The following CNST variants were observed in gnomAD, a reference collection of about 807,000 sequenced individuals.
CNST encodes the protein consortin, connexin sorting protein, also known as consortin.
A neutral mutation model predicts 72.4 loss-of-function variants in CNST; 39 were observed. The ratio of observed to expected loss-of-function variants is 0.54; its 90% CI spans 0.42 to 0.70. CNST has a LOEUF of 0.70. Ranked by LOEUF, CNST falls within the 30% of genes least tolerant of loss-of-function variation. The probability of loss-of-function intolerance (pLI) is 0.00; values close to 1 mark genes in which losing one functional copy is unlikely to be tolerated. For synonymous variants in CNST, 332 were observed against 320.1 expected (o/e 1.04, Z -0.40); for missense variants, 871 against 868.5 (o/e 1.00, Z -0.04).
chr1:246,586,927 A>C (rs1470693623), intron 1 of CNST, among the ~76,000 whole-genome samples: 1 of 152,120 alleles, frequency 6.6e-6, no homozygotes, highest in African/African-American at 2.4e-5. Context: ...TATAGTGGTT[A>C]AGGATACAGG....
chr1:246,577,563 GTCA>G (rs1660510944), intron 1 of CNST, among the ~76,000 whole-genome samples: 2 of 152,142 alleles, frequency 1.3e-5, no homozygotes, highest in South Asian at 4.1e-4. Context: ...GGTAAAGGTG[GTCA>G]TAATTCTTAC....
chr1:246,620,589 G>A (rs1466482908), intron 2 of CNST, among the ~76,000 whole-genome samples: 2 of 140,948 alleles, frequency 1.4e-5, no homozygotes, highest in African/African-American at 5.4e-5. Context: ...ACTACAGGGA[G>A]GACGGCTTCA....
chr1:246,574,029 G>T (rs894254229), intron 1 of CNST, among the ~76,000 whole-genome samples: 1 of 152,262 alleles, frequency 6.6e-6, no homozygotes, highest in East Asian at 1.9e-4. Flanking sequence ...GATTACAGAA[G>T]TAATAATGCT....
At chr1:246,655,641 G>A (rs150108243) in intron 9 of CNST, among the ~76,000 whole-genome samples, 1 of 152,254 alleles carries the variant, frequency 6.6e-6, no homozygotes, top group Admixed American at 6.5e-5. Context: ...TGTTTTAATT[G>A]TAATATATAT....
chr1:246,578,409 A>G (rs2103008390), intron 1 of CNST, among the ~76,000 whole-genome samples: 1 of 152,164 alleles, frequency 6.6e-6, no homozygotes, highest in East Asian at 1.9e-4. Context: ...GTGGTGGCTC[A>G]CGCCTGTAAT....
chr1:246,660,037 T>G (rs973063075), intron 9 of CNST, among the ~76,000 whole-genome samples, 162 bp from the exon 10 acceptor site: 3 of 152,156 alleles, frequency 2.0e-5, no homozygotes, highest in African/African-American at 7.2e-5. Flanking sequence ...TGCAGAGAAG[T>G]GAAAGTTTTA....
At chr1:246,608,950 A>G (rs553426506) in intron 2 of CNST, among the ~76,000 whole-genome samples, 2 of 152,214 alleles carry the variant, frequency 1.3e-5, no homozygotes, top group Non-Finnish European at 2.9e-5. Flanking sequence ...ATTAGTTTAC[A>G]AGAAGACGGG....
chr1:246,629,768 G>C (rs1664657877), intron 3 of CNST, among the ~76,000 whole-genome samples: 1 of 152,030 alleles, frequency 6.6e-6, no homozygotes, highest in African/African-American at 2.4e-5. Flanking sequence ...GTTTCACACT[G>C]TCACCCAGGC....
intron 2 of CNST, among the ~76,000 whole-genome samples, chr1:246,598,132 C>A (rs962954519): frequency 2.0e-5 from 3 of 150,654 alleles, no homozygotes; most frequent in Non-Finnish European, 4.4e-5. Flanking sequence ...CAAGCGCATG[C>A]CGCTGCGCTC....
At chr1:246,646,472 A>G (rs1030632756) in intron 8 of CNST, among the ~76,000 whole-genome samples, 2 of 151,958 alleles carry the variant, frequency 1.3e-5, no homozygotes, top group Non-Finnish European at 2.9e-5. Context: ...TTAATACACC[A>G]TGTCTTTTTT....
chr1:246,616,292 T>TA (rs1377921926), intron 2 of CNST, among the ~76,000 whole-genome samples: 1 of 152,160 alleles, frequency 6.6e-6, no homozygotes, highest in Non-Finnish European at 1.5e-5. Flanking sequence ...CTGGCGCCTG[T>TA]ACTCCCAGCA....
rs1393980669 is a variant in CNST, at chr1:246,665,904, A to C, written c.2177A>C (p.Ter726SerextTer19). 2 of 1,602,930 alleles carry C rather than the reference A, an allele frequency of 1.2e-6. No individual in the cohort carries two copies. Among genetic ancestry groups the C allele is most frequent in the Non-Finnish European group, 1.7e-6 (2 of 1,170,620 alleles). ...AELKHWIYLS[*>S] ...CTGAAGCACTGGATCTACCTCTCCT[A>C]GCAGCATTCCAGACACAGACATGCT... The change falls in exon 11 of 11, where the codon TAG becomes TCG. Residue 726 changes from the stop codon to serine (S), a stop_lost. Coordinates refer to ENST00000366513, the MANE Select transcript of CNST (RefSeq NM_152609.3).
intron 2 of CNST, among the ~76,000 whole-genome samples, chr1:246,592,782 T>C (rs1280977466): frequency 2.0e-5 from 3 of 152,254 alleles, no homozygotes; most frequent in East Asian, 3.8e-4. Context: ...GACATCTGGT[T>C]CTAATTATCT....
In CNST at chr1:246,647,432, G is replaced by A. The variant is rs777379215; in HGVS notation, c.1231G>A (p.Val411Met). 6.2e-7 allele frequency: 1 copy of A among 1,614,184 alleles called. No homozygotes were observed. Among genetic ancestry groups the A allele is most frequent in the East Asian group, 2.2e-5 (1 of 44,888 alleles). The part of the protein sequence containing the change: ...QLAQTEACQD[V>M]ARIEGIAEDP... ...GGCTCAAACAGAGGCCTGCCAGGAT[G>A]TGGCCAGAATAGAGGGCATTGCTGA... is the stretch of plus-strand genomic sequence containing the variant. Residue 411 changes from valine to methionine, a missense_variant, in exon 9 of 11, where the codon GTG (valine) becomes ATG (methionine). Coordinates refer to ENST00000366513, the MANE Select transcript of CNST (RefSeq NM_152609.3).
rs1266984779 is a variant in CNST, at chr1:246,619,983, GAA to G, written c.380-1445_380-1444del. ...CGTGCATACACACGATGGGCTCTGG[GAA>G]CACTCTACAGGGAGGACGGCTTCAG... On this transcript the variant is annotated intron_variant, in intron 2 of 10. Transcript: ENST00000366513. Among the ~76,000 whole-genome samples the G allele has an allele frequency of 1.3e-4, 10 of 75,404 alleles. 1 individual carries two copies. The highest frequency in any genetic ancestry group is 2.0e-4 in the Non-Finnish European group (7 of 35,660). 49.5% of individuals were successfully genotyped at this position (75,404 alleles called of 152,430 possible).
At chr1:246,643,772 TA>T (rs769204904) in intron 8 of CNST, among the ~76,000 whole-genome samples, 8 of 152,200 alleles carry the variant, frequency 5.3e-5, no homozygotes, top group Non-Finnish European at 1.0e-4. Flanking sequence ...AACAGTGTTT[TA>T]AAGAGAAATG....
chr1:246,668,018 A>G lies in CNST; in HGVS notation c.*2113A>G, dbSNP rs1035332664. 6.6e-6 allele frequency: 1 copy of G among 152,144 alleles called. No homozygotes were observed. Among genetic ancestry groups the G allele is most frequent in the East Asian group, 1.9e-4 (1 of 5,180 alleles). 9.4% of individuals were successfully genotyped at this position (152,144 alleles called of 1,614,324 possible). On this transcript the variant is annotated 3_prime_UTR_variant, in exon 11 of 11. Transcript: ENST00000366513. The stretch of plus-strand genomic sequence containing the variant: ...GGCCCAGTGGTGTCTCAGAGAAACC[A>G]TGGGTGTCCTCGCCACTTCCCAGGG...
rs1383158627 is a variant in CNST at position 246,665,938 on chromosome 1, G to C, written c.*33G>C. 1 of 1,475,606 alleles carries C rather than the reference G, an allele frequency of 6.8e-7. No individual in the cohort carries two copies. Among genetic ancestry groups the C allele is most frequent in the Non-Finnish European group, 9.4e-7 (1 of 1,059,334 alleles). The allele number at this position is 1,475,606 out of a possible 1,614,324, so 91.4% of individuals were successfully genotyped here. ...CCAGACACAGACATGCTGGCAGTGAGAGTGAAAGGCGGGAGACTTTCTAAA... is the reference window on the plus strand; with the variant it reads ...CCAGACACAGACATGCTGGCAGTGACAGTGAAAGGCGGGAGACTTTCTAAA... On this transcript the variant is annotated 3_prime_UTR_variant, in exon 11 of 11. Transcript: ENST00000366513.
chr1:246,568,968 A>G (rs1028162437), intron 1 of CNST, among the ~76,000 whole-genome samples: 5 of 152,132 alleles, frequency 3.3e-5, no homozygotes, highest in African/African-American at 9.7e-5. Flanking sequence ...TCCTGGCCTC[A>G]TGCAATCCTC....
Sources: gnomAD v4.1 joint callset for allele counts (sites outside exome capture counted in the v4.1 genomes callset) on GRCh38, gnomAD v4.1.1 for gene constraint, MANE v1.5 for transcripts, NCBI Gene and HGNC (gene_info 2026-07-23, HGNC 2026-07-21) for gene names.